Variants in HDAC8 observed in about 807,000 individuals in gnomAD.
The protein encoded by HDAC8 is histone deacetylase 8, also known as histone deacetylase-like 1.
A neutral mutation model predicts 32.2 loss-of-function variants in HDAC8; 1 was observed. The observed-to-expected ratio is 0.03, with a 90% CI of 0.01 to 0.15. The LOEUF (loss-of-function observed/expected upper bound fraction) is 0.15, where lower values mean the gene tolerates loss of function less well. Ranked by LOEUF, HDAC8 falls within the 10% of genes least tolerant of loss-of-function variation. The probability of loss-of-function intolerance (pLI) is 1.00; values close to 1 mark genes in which losing one functional copy is unlikely to be tolerated. For missense variants in HDAC8, 117 were observed against 300.0 expected (o/e 0.39, Z 4.51); for synonymous variants, 108 against 113.9 (o/e 0.95, Z 0.33).
intron 10 of HDAC8, among the ~76,000 whole-genome samples, chrX:72,344,233 C>T (rs1458040468): frequency 1.8e-5 from 2 of 111,010 alleles, no homozygotes; most frequent in Admixed American, 9.5e-5. Context: ...CCTGACTACA[C>T]GTTCATGGTA....
chrX:72,400,189 A>G (rs190173232), intron 9 of HDAC8, among the ~76,000 whole-genome samples: 103 of 111,411 alleles, frequency 9.2e-4, no homozygotes, highest in Admixed American at 1.5e-3. Context: ...CAGTCTCTAG[A>G]TATCTTCTCT....
chrX:72,536,397 C>G (rs1394483887), intron 4 of HDAC8, among the ~76,000 whole-genome samples: 1 of 112,050 alleles, frequency 8.9e-6, no homozygotes, highest in African/African-American at 3.2e-5. Flanking sequence ...CTAATCTTAC[C>G]TGTCTCCTTC....
intron 9 of HDAC8, among the ~76,000 whole-genome samples, chrX:72,441,357 G>A (rs1320544110): frequency 8.9e-6 from 1 of 112,016 alleles, no homozygotes; most frequent in Non-Finnish European, 1.9e-5. Flanking sequence ...GGAACGATCA[G>A]ACAGCAGCAT....
At chrX:72,474,312 T>G in intron 7 of HDAC8, 8 of 748,135 alleles carry the variant, frequency 1.1e-5, no homozygotes, top group Non-Finnish European at 1.3e-5. Context: ...TATCTAACAT[T>G]TAAAAATTTC....
At chrX:72,354,791 ATC>A (rs1455552883) in intron 9 of HDAC8, among the ~76,000 whole-genome samples, 1 of 112,071 alleles carries the variant, frequency 8.9e-6, no homozygotes, top group Non-Finnish European at 1.9e-5. Flanking sequence ...AAGCTTTTTA[ATC>A]TCTGTTTCAT....
chrX:72,417,542 A>G (rs1478857536), intron 9 of HDAC8, among the ~76,000 whole-genome samples: 1 of 111,943 alleles, frequency 8.9e-6, no homozygotes, highest in Non-Finnish European at 1.9e-5. Context: ...AATGAGAATT[A>G]TAAAACACTA....
At chrX:72,429,269 A>T (rs1464519452) in intron 9 of HDAC8, among the ~76,000 whole-genome samples, 1 of 112,002 alleles carries the variant, frequency 8.9e-6, no homozygotes, top group Non-Finnish European at 1.9e-5. Flanking sequence ...CATGTTTTAC[A>T]TTAATGGTAA....
At chrX:72,536,164 T>G (rs782169218) in intron 4 of HDAC8, among the ~76,000 whole-genome samples, 1 of 112,400 alleles carries the variant, frequency 8.9e-6, no homozygotes, top group African/African-American at 3.2e-5. Context: ...CAGAGCTCTC[T>G]TGTGAGAACT....
In HDAC8 at chrX:72,351,402, C is replaced by A. The variant is rs1011912880; in HGVS notation, c.1111+331G>T. On this transcript the variant is annotated intron_variant, in intron 10 of 10. Transcript: ENST00000373573. ...GGCGTAAGCCACGGTGCCCGGCCAA[C>A]TTTTCTCATCTTAAAGAGTGCTTTA... 5.3e-5 allele frequency: 12 copies of A among 226,951 alleles called. No homozygotes were observed. The South Asian group carries it at 9.6e-4, about 18-fold the overall frequency. The allele number at this position is 226,951 out of a possible 1,213,427, so 18.7% of individuals were successfully genotyped here.
chrX:72,475,115 C>T (rs937684685), intron 7 of HDAC8, among the ~76,000 whole-genome samples: 9 of 110,949 alleles, frequency 8.1e-5, no homozygotes, highest in Admixed American at 6.7e-4. Context: ...TTCTAGATTG[C>T]GCACCAGTCT....
chrX:72,453,316 G>A (rs1555988239), intron 9 of HDAC8, among the ~76,000 whole-genome samples: 1 of 108,984 alleles, frequency 9.2e-6, no homozygotes, highest in African/African-American at 3.4e-5. Flanking sequence ...AATTAACCAG[G>A]CATGGTGGAG....
intron 9 of HDAC8, among the ~76,000 whole-genome samples, chrX:72,433,930 A>G (rs1170650400): frequency 1.8e-5 from 2 of 112,478 alleles, no homozygotes; most frequent in Non-Finnish European, 3.8e-5. Flanking sequence ...TGTTAGGCAC[A>G]TCGCATGTGC....
intron 7 of HDAC8, chrX:72,474,559 G>A: frequency 1.7e-6 from 2 of 1,158,495 alleles, no homozygotes; most frequent in Non-Finnish European, 2.3e-6. Context: ...TACTACATTA[G>A]TAACTTCCCT....
intron 4 of HDAC8, among the ~76,000 whole-genome samples, chrX:72,498,654 GATA>G (rs782673025): frequency 2.7e-5 from 3 of 111,658 alleles, no homozygotes; most frequent in Non-Finnish European, 5.7e-5. Flanking sequence ...TGATGTTCTT[GATA>G]TATTCTGGGT....
intron 9 of HDAC8, chrX:72,376,965 T>A (rs1169522390): frequency 9.0e-6 from 1 of 110,802 alleles, no homozygotes; most frequent in Non-Finnish European, 1.9e-5. Context: ...CTTTTAATTT[T>A]TTTTTCTTAT....
intron 7 of HDAC8, among the ~76,000 whole-genome samples, chrX:72,480,121 C>A (rs1556002400): frequency 1.8e-5 from 2 of 111,844 alleles, no homozygotes; most frequent in Non-Finnish European, 1.9e-5. Flanking sequence ...CTGCCATACC[C>A]CGGAGAGGCA....
At chrX:72,431,327 G>A (rs146368391) in intron 9 of HDAC8, among the ~76,000 whole-genome samples, 2 of 111,560 alleles carry the variant, frequency 1.8e-5, no homozygotes, top group African/African-American at 6.5e-5. Flanking sequence ...ACATGCACTT[G>A]CAGGTTTCTT....
At chrX:72,336,529 C>G (rs782781493) in intron 10 of HDAC8, among the ~76,000 whole-genome samples, 39 of 112,163 alleles carry the variant, frequency 3.5e-4, no homozygotes, top group Non-Finnish European at 5.1e-4. Context: ...GTCTGTATAT[C>G]TTCTTTGGTG....
chrX:72,566,425 A>C (rs2051792556), intron 4 of HDAC8, among the ~76,000 whole-genome samples: 1 of 112,925 alleles, frequency 8.9e-6, no homozygotes, highest in Non-Finnish European at 1.9e-5. Flanking sequence ...TCATTACTAA[A>C]ACATTGGTTT....
Sources: gnomAD v4.1 joint callset for allele counts (sites outside exome capture counted in the v4.1 genomes callset) on GRCh38, gnomAD v4.1.1 for gene constraint, MANE v1.5 for transcripts, NCBI Gene and HGNC (gene_info 2026-07-23, HGNC 2026-07-21) for gene names.